Variants in GRIP2 observed in about 807,000 individuals in gnomAD.
GRIP2 encodes the protein glutamate receptor-interacting protein 2.
Under a neutral mutation model 108.3 loss-of-function variants are expected in GRIP2, and 58 were observed. The observed-to-expected ratio is 0.54, with a 90% CI of 0.43 to 0.67. The LOEUF is 0.67. Ranked by LOEUF, GRIP2 falls within the 30% of genes least tolerant of loss-of-function variation. The pLI is 0.00. For missense variants in GRIP2, 1,278 were observed against 1,430.6 expected (o/e 0.89, Z 1.72); for synonymous variants, 586 against 598.2 (o/e 0.98, Z 0.30).
At chr3:14,585,550 G>C in the GRIP2 span, among the ~76,000 whole-genome samples, 10 of 152,298 alleles carry the variant, frequency 6.6e-5, no homozygotes, top group South Asian at 2.1e-3. Flanking sequence ...CAGCTGGGCA[G>C]AGCCACCTTG....
chr3:14,507,456 G>C lies in GRIP2; in HGVS notation c.2218+105C>G. 7.2e-7 allele frequency: 1 copy of C among 1,394,972 alleles called. No homozygotes were observed. Among genetic ancestry groups the C allele is most frequent in the Non-Finnish European group, 1.0e-6 (1 of 1,001,146 alleles). 86.4% of individuals were successfully genotyped at this position (1,394,972 alleles called of 1,614,324 possible). On this transcript the variant is annotated intron_variant, in intron 18 of 23. Transcript: ENST00000621039. The surrounding 1 kb of genome is among the most constrained non-coding windows in gnomAD (Gnocchi z 4.6). ...TGCCATCGCAGGCCCGCCTCCACAGGGCTGCAGTGAGGACTCTGTGAGGGT... is the reference window on the plus strand; with the variant it reads ...TGCCATCGCAGGCCCGCCTCCACAGCGCTGCAGTGAGGACTCTGTGAGGGT...
chr3:14,556,899 C>T (rs557862731), upstream of GRIP2, among the ~76,000 whole-genome samples: 21 of 152,332 alleles, frequency 1.4e-4, no homozygotes, highest in African/African-American at 5.1e-4. Context: ...GCTCTAGAAC[C>T]CCAGGTTCCT....
chr3:14,598,127 GCACA>G, the GRIP2 span, among the ~76,000 whole-genome samples: 6 of 151,730 alleles, frequency 4.0e-5, no homozygotes, highest in Non-Finnish European at 7.4e-5. Flanking sequence ...ACAAACACAC[GCACA>G]CACAAACACA....
the GRIP2 span, among the ~76,000 whole-genome samples, chr3:14,581,455 C>A: frequency 6.6e-6 from 1 of 152,234 alleles, no homozygotes; most frequent in Admixed American, 6.5e-5. Context: ...AGGGCTGACA[C>A]TGCTTCCAAG....
At position 14,493,615 on chromosome 3, in the gene GRIP2, G is replaced by A; in HGVS notation, c.*50C>T. On this transcript the variant is annotated 3_prime_UTR_variant, in exon 24 of 24. Coordinates refer to ENST00000621039, the MANE Select transcript of GRIP2 (RefSeq NM_001080423.4). ...CTCCAGCCCAGCTACGTGTCTGGGA[G>A]CCAGGATCTGCCTGGGTGGCCCCTT... 6.6e-7 allele frequency: 1 copy of A among 1,507,758 alleles called. No individual in the cohort carries two copies. The highest frequency in any genetic ancestry group is 1.2e-5 in the South Asian group (1 of 80,054). 93.4% of individuals were successfully genotyped at this position (1,507,758 alleles called of 1,614,324 possible).
At chr3:14,578,450 C>G in the GRIP2 span, among the ~76,000 whole-genome samples, 4 of 152,146 alleles carry the variant, frequency 2.6e-5, no homozygotes, top group African/African-American at 9.7e-5. Flanking sequence ...GGCACCATGG[C>G]CCACGTCTGT....
intron 5 of GRIP2, 51 bp from the exon 6 acceptor site, chr3:14,523,126 C>T (rs1281168180): frequency 7.2e-7 from 1 of 1,389,488 alleles, no homozygotes; most frequent in Non-Finnish European, 1.0e-6. Flanking sequence ...CCCTTCCCAT[C>T]CAGAGGCTCC....
the GRIP2 span, among the ~76,000 whole-genome samples, chr3:14,571,644 C>A: frequency 6.6e-6 from 1 of 152,128 alleles, no homozygotes; most frequent in Non-Finnish European, 1.5e-5. Flanking sequence ...GAAGCTGAAC[C>A]GTCACCTGGC....
At chr3:14,569,692 C>A in the GRIP2 span, among the ~76,000 whole-genome samples, 4 of 152,202 alleles carry the variant, frequency 2.6e-5, no homozygotes, top group African/African-American at 7.2e-5. Flanking sequence ...CACCACCCCC[C>A]TCTTGCTGCA....
At position 14,512,675 on chromosome 3, in the gene GRIP2, A is replaced by G; in HGVS notation, c.1720+102T>C. On this transcript the variant is annotated intron_variant, in intron 14 of 23. Transcript: ENST00000621039. This position sits in a 1 kb window ranked among gnomAD's most constrained non-coding sequence, Gnocchi z 5.1. ...CCCAAGCCTTTTCCTCGGGCCCCGC[A>G]GGGTGTCACGCCATGGAAATGCTGG... is the stretch of plus-strand genomic sequence containing the variant. 2.7e-6 allele frequency: 3 copies of G among 1,131,840 alleles called. No homozygotes were observed. Among genetic ancestry groups the G allele is most frequent in the Non-Finnish European group, 1.3e-6 (1 of 776,702 alleles). 70.1% of individuals were successfully genotyped at this position (1,131,840 alleles called of 1,614,324 possible). A position where few individuals can be genotyped will look rare whatever the true frequency, so the allele number is the denominator to read the frequency against.
At chr3:14,533,155 C>T (rs1303762574) in intron 1 of GRIP2, among the ~76,000 whole-genome samples, 3 of 152,226 alleles carry the variant, frequency 2.0e-5, no homozygotes, top group Non-Finnish European at 4.4e-5. Flanking sequence ...ATAATGCCTC[C>T]CATTACGGTT....
chr3:14,514,303 A>G lies in GRIP2; in HGVS notation c.1482T>C (p.Ser494=), dbSNP rs4613440. ...GGCAGGAGGCTCACCTCTCAGCCGG[A>G]CTGTCAGGCTCGATGAAGCACACGA... ...PPLVCFIEPD[S]PAERCGLLQV... The change falls in exon 12 of 24, where the codon AGT becomes AGC. Residue 494 remains serine, a synonymous_variant. Transcript: ENST00000621039. 0.57 allele frequency: 883,175 copies of G among 1,560,482 alleles called. 253,336 individuals carry two copies. Among genetic ancestry groups the G allele is most frequent in the East Asian group, 0.8 (33,159 of 41,666 alleles).
Position 14,493,632 on chromosome 3 carries a change from TGGCC to T in GRIP2, c.*29_*32del. The T allele has an allele frequency of 1.0e-5, 16 of 1,538,418 alleles. No individual in the cohort carries two copies. Among genetic ancestry groups the T allele is most frequent in the Non-Finnish European group, 1.4e-5 (16 of 1,136,144 alleles). The stretch of plus-strand genomic sequence containing the variant: ...GTCTGGGAGCCAGGATCTGCCTGGG[TGGCC>T]CCTTAGGAGTTCGGCCCACATGCTG... On this transcript the variant is annotated 3_prime_UTR_variant, in exon 24 of 24. Coordinates refer to ENST00000621039, the MANE Select transcript of GRIP2 (RefSeq NM_001080423.4).
At chr3:14,562,974 A>T in the GRIP2 span, among the ~76,000 whole-genome samples, 2 of 152,204 alleles carry the variant, frequency 1.3e-5, no homozygotes, top group African/African-American at 2.4e-5. Context: ...TTCCACAGGA[A>T]GAATGGCCTG....
the GRIP2 span, chr3:14,574,575 A>G: frequency 5.5e-6 from 4 of 728,034 alleles, no homozygotes; most frequent in East Asian, 1.0e-4. Context: ...GGACTCAAAA[A>G]CTTCGTCCGG....
chr3:14,532,637 G>A (rs1694738392), intron 1 of GRIP2, among the ~76,000 whole-genome samples: 1 of 152,062 alleles, frequency 6.6e-6, no homozygotes, highest in Admixed American at 6.5e-5. Flanking sequence ...ACTCAACCTG[G>A]GTCAGGGGTG....
At chr3:14,566,248 A>G in the GRIP2 span, among the ~76,000 whole-genome samples, 1 of 152,248 alleles carries the variant, frequency 6.6e-6, no homozygotes, top group East Asian at 1.9e-4. Flanking sequence ...GCTCTTAGAC[A>G]AGATCACAGA....
At chr3:14,553,200 C>A (rs540491063) in intron 1 of GRIP2, among the ~76,000 whole-genome samples, 1 of 151,330 alleles carries the variant, frequency 6.6e-6, no homozygotes, top group Non-Finnish European at 1.5e-5. Context: ...CTGTGCCTCC[C>A]TGGTCCAAGC....
Position 14,490,991 on chromosome 3 carries a change from G to A in GRIP2, c.*2674C>T, listed in dbSNP as rs75866505. 8.2e-4 allele frequency: 125 copies of A among 152,356 alleles called. No homozygotes were observed. Among genetic ancestry groups the A allele is most frequent in the African/African-American group, 2.9e-3 (122 of 41,568 alleles). 9.4% of individuals were successfully genotyped at this position (152,356 alleles called of 1,614,324 possible). A position where few individuals can be genotyped will look rare whatever the true frequency, so the allele number is the denominator to read the frequency against. On this transcript the variant is annotated 3_prime_UTR_variant, in exon 24 of 24. Coordinates refer to ENST00000621039, the MANE Select transcript of GRIP2 (RefSeq NM_001080423.4). ...TTGATTGTCTGCCTGCCACCAGAATGTGCAGACATGACCTAAATCTGTCTG... is the reference window on the plus strand; with the variant it reads ...TTGATTGTCTGCCTGCCACCAGAATATGCAGACATGACCTAAATCTGTCTG...
Sources: gnomAD v4.1 joint callset for allele counts (sites outside exome capture counted in the v4.1 genomes callset) on GRCh38, gnomAD v4.1.1 for gene constraint, Gnocchi (gnomAD v3.1) non-coding constraint, MANE v1.5 for transcripts, NCBI Gene and HGNC (gene_info 2026-07-23, HGNC 2026-07-21) for gene names.